The following NAALADL2 variants were observed in gnomAD, a reference collection of about 807,000 sequenced individuals.
NAALADL2 encodes inactive N-acetylated-alpha-linked acidic dipeptidase-like protein 2.
NAALADL2 carries 76 observed loss-of-function variants against 87.2 expected under a neutral mutation model. The ratio of observed to expected loss-of-function variants is 0.87; its 90% CI spans 0.72 to 1.05. The LOEUF is 1.05. NAALADL2 is among the 50% of genes least tolerant of loss of function. The pLI is 0.00. For synonymous variants in NAALADL2, 354 were observed against 331.0 expected, an observed-to-expected ratio of 1.07 and a Z score of -0.75; for missense variants, 1,089 against 945.8, an observed-to-expected ratio of 1.15 and a Z score of -1.99.
chr3:175,559,071 T>C (rs1354054334), intron 9 of NAALADL2, among the ~76,000 whole-genome samples: 1 of 152,136 alleles, frequency 6.6e-6, no homozygotes, highest in Non-Finnish European at 1.5e-5. Context: ...TGGAATATCT[T>C]TTATTTTTTG....
At chr3:174,807,936 A>G (rs963244428) in intron 3 of NAALADL2, among the ~76,000 whole-genome samples, 3 of 151,682 alleles carry the variant, frequency 2.0e-5, no homozygotes, top group African/African-American at 7.3e-5. Flanking sequence ...TCTCTAATAT[A>G]AAGCCCAAAT....
intron 11 of NAALADL2, among the ~76,000 whole-genome samples, chr3:175,733,193 A>C (rs920705309): frequency 8.5e-5 from 13 of 152,208 alleles, no homozygotes; most frequent in African/African-American, 3.1e-4. Flanking sequence ...TATAACTTTT[A>C]ATGTTGTATT....
chr3:174,549,410 A>G (rs1027954759), intron 1 of NAALADL2, among the ~76,000 whole-genome samples: 4 of 152,206 alleles, frequency 2.6e-5, no homozygotes, highest in Admixed American at 6.5e-5. Context: ...TTCTGTGCCA[A>G]TGATTTTATC....
At chr3:175,163,241 A>G (rs1002894070) in intron 2 of NAALADL2, among the ~76,000 whole-genome samples, 5 of 152,102 alleles carry the variant, frequency 3.3e-5, no homozygotes, top group Non-Finnish European at 7.4e-5. Flanking sequence ...CACTTTAAAA[A>G]GTTTACCCTG....
At chr3:174,834,792 T>A (rs1369547985) in intron 3 of NAALADL2, among the ~76,000 whole-genome samples, 2 of 151,746 alleles carry the variant, frequency 1.3e-5, no homozygotes, top group African/African-American at 2.4e-5. Flanking sequence ...ATTGAGTATA[T>A]AAATAAATGA....
intron 1 of NAALADL2, among the ~76,000 whole-genome samples, chr3:174,903,290 A>G (rs879776945): frequency 6.6e-6 from 1 of 152,120 alleles, no homozygotes; most frequent in Admixed American, 6.6e-5. Context: ...ATGATTTTAT[A>G]GTAATAAGAA....
intron 3 of NAALADL2, among the ~76,000 whole-genome samples, chr3:174,759,132 A>G (rs535644258): frequency 6.6e-6 from 1 of 152,180 alleles, no homozygotes; most frequent in African/African-American, 2.4e-5. Context: ...TTTTGCATTT[A>G]TGCTACCAAA....
At chr3:174,446,672 T>C (rs1715077674) in intron 1 of NAALADL2, among the ~76,000 whole-genome samples, 1 of 152,194 alleles carries the variant, frequency 6.6e-6, no homozygotes, top group African/African-American at 2.4e-5. Flanking sequence ...ACAAGCCCTG[T>C]ATCCTAGTCT....
chr3:175,224,064 A>G (rs1743804467), intron 2 of NAALADL2, among the ~76,000 whole-genome samples: 1 of 152,136 alleles, frequency 6.6e-6, no homozygotes, highest in South Asian at 2.1e-4. Context: ...AGACAGAGAG[A>G]GAGTTGGCGG....
intron 5 of NAALADL2, among the ~76,000 whole-genome samples, chr3:175,365,099 T>C (rs1446777192): frequency 6.8e-6 from 1 of 147,208 alleles, no homozygotes; most frequent in Admixed American, 7.0e-5. Flanking sequence ...TCTATGCCAA[T>C]TGGGTGGATG....
intron 10 of NAALADL2, among the ~76,000 whole-genome samples, chr3:175,610,039 A>G (rs11925974): frequency 0.19 from 29,007 of 152,138 alleles, 3,139 homozygotes; most frequent in African/African-American, 0.29. Context: ...GCCCTCAAAT[A>G]TCAATTCTAA....
chr3:175,518,576 C>G (rs1218918439), intron 9 of NAALADL2, among the ~76,000 whole-genome samples: 3 of 152,236 alleles, frequency 2.0e-5, no homozygotes, highest in Non-Finnish European at 2.9e-5. Flanking sequence ...AGGGCCCCAT[C>G]TGGCAAGAGC....
chr3:175,034,195 C>T (rs9838267), intron 1 of NAALADL2, among the ~76,000 whole-genome samples: 4,068 of 152,176 alleles, frequency 0.027, 185 homozygotes, highest in African/African-American at 0.093. Flanking sequence ...AATAAGCCCT[C>T]CTTGGCTATT....
At chr3:175,755,893 A>G (rs1747202616) in intron 13 of NAALADL2, among the ~76,000 whole-genome samples, 1 of 152,162 alleles carries the variant, frequency 6.6e-6, no homozygotes, top group Non-Finnish European at 1.5e-5. Flanking sequence ...CAACTGAGGA[A>G]TTAGGCTTGT....
At chr3:175,570,444 T>C (rs977640865) in intron 9 of NAALADL2, among the ~76,000 whole-genome samples, 17 of 152,226 alleles carry the variant, frequency 1.1e-4, no homozygotes, top group African/African-American at 4.1e-4. Context: ...CACTGCCCTA[T>C]AGCAAGAAAT....
chr3:174,606,112 C>G (rs367857162), intron 2 of NAALADL2, among the ~76,000 whole-genome samples: 1 of 152,176 alleles, frequency 6.6e-6, no homozygotes, highest in Non-Finnish European at 1.5e-5. Flanking sequence ...TGAGGGTCCT[C>G]TCTGTTAGAA....
intron 5 of NAALADL2, among the ~76,000 whole-genome samples, chr3:175,383,960 G>C (rs1005358944): frequency 6.6e-6 from 1 of 151,902 alleles, no homozygotes; most frequent in Non-Finnish European, 1.5e-5. Flanking sequence ...GATTTTTACC[G>C]TGTGGTTCAT....
At chr3:175,756,640 A>G (rs1359763300) in intron 13 of NAALADL2, among the ~76,000 whole-genome samples, 1 of 152,090 alleles carries the variant, frequency 6.6e-6, no homozygotes, top group Non-Finnish European at 1.5e-5. Flanking sequence ...ATGGACATAC[A>G]GAGAGAGATA....
At chr3:175,529,160 C>A (rs1733787097) in intron 9 of NAALADL2, among the ~76,000 whole-genome samples, 1 of 152,206 alleles carries the variant, frequency 6.6e-6, no homozygotes, top group Admixed American at 6.5e-5. Flanking sequence ...CATGCATACT[C>A]TTCCTTACCT....
Sources: gnomAD v4.1 joint callset for allele counts (sites outside exome capture counted in the v4.1 genomes callset) on GRCh38, gnomAD v4.1.1 for gene constraint, MANE v1.5 for transcripts, NCBI Gene and HGNC (gene_info 2026-07-23, HGNC 2026-07-21) for gene names.